The following WWOX variants were observed in gnomAD, a reference collection of about 807,000 sequenced individuals.
WWOX encodes the protein WW domain-containing oxidoreductase.
In WWOX, 69 loss-of-function variants were observed where a neutral mutation model predicts 46.2. The ratio of observed to expected loss-of-function variants is 1.49; its 90% CI spans 1.23 to 1.82. WWOX has a LOEUF of 1.82. Among genes scored for constraint, WWOX ranks in the 40% most tolerant of loss-of-function variants. The pLI, the probability that WWOX is intolerant of heterozygous loss-of-function variation, is 0.00. For synonymous variants in WWOX, 359 were observed against 202.6 expected (o/e 1.77, Z -6.56); for missense variants, 919 against 542.6 (o/e 1.69, Z -6.89).
rs113927953 is a variant in WWOX, at chr16:79,027,839, C to T, written c.1057-183769C>T. 2.0e-5 allele frequency among the ~76,000 whole-genome samples: 3 copies of T among 151,782 alleles called. No individual in the cohort carries two copies. In the East Asian group the frequency reaches 5.8e-4, roughly 29 times the overall value. On this transcript the variant is annotated intron_variant, in intron 8 of 8. Transcript: ENST00000566780. Reference sequence around the variant, plus strand: ...TGGTTGCCTAGTGTCTTCTAAAGACCCCTGAACATAGCATAGAAACAGCAC... The same window carrying T: ...TGGTTGCCTAGTGTCTTCTAAAGACTCCTGAACATAGCATAGAAACAGCAC...
At chr16:79,004,667 C>A (rs111883514) in intron 8 of WWOX, 1 of 152,210 alleles carries the variant, frequency 6.6e-6, no homozygotes, top group East Asian at 1.9e-4. Flanking sequence ...TATACTGGTG[C>A]GAAGTGATGC....
intron 5 of WWOX, among the ~76,000 whole-genome samples, chr16:78,187,065 T>A (rs2035733525): frequency 6.6e-6 from 1 of 152,222 alleles, no homozygotes. Context: ...TTTACCAACA[T>A]CATAGTCAGG....
chr16:78,524,137 T>A (rs1456666115), intron 8 of WWOX, among the ~76,000 whole-genome samples: 1 of 152,212 alleles, frequency 6.6e-6, no homozygotes, highest in East Asian at 1.9e-4. Context: ...AATTCTCTGA[T>A]GTGTTTGGGT....
intron 8 of WWOX, among the ~76,000 whole-genome samples, chr16:78,759,555 C>T (rs575862483): frequency 2.1e-4 from 32 of 152,186 alleles, no homozygotes; most frequent in African/African-American, 4.8e-4. Context: ...AACCTAGGTA[C>T]TCATTGAATC....
chr16:78,603,366 C>T (rs963333992), intron 8 of WWOX, among the ~76,000 whole-genome samples: 2 of 152,172 alleles, frequency 1.3e-5, no homozygotes, highest in Non-Finnish European at 1.5e-5. Context: ...ATGAACGCCC[C>T]CACTGGGTGA....
chr16:78,474,063 A>T (rs1159060468), intron 8 of WWOX, among the ~76,000 whole-genome samples: 1 of 152,224 alleles, frequency 6.6e-6, no homozygotes, highest in Non-Finnish European at 1.5e-5. Context: ...AAATGAAGTG[A>T]CATTGAGGAC....
intron 5 of WWOX, among the ~76,000 whole-genome samples, chr16:78,334,809 CACACACACACACACACACACACAT>C (rs1338476884): frequency 5.7e-4 from 39 of 68,656 alleles, no homozygotes; most frequent in African/African-American, 2.1e-3. Context: ...CACACACACG[CACACACACACACACACACACACAT>C]ACACACACAC....
chr16:78,732,880 T>C (rs1369888018), intron 8 of WWOX, among the ~76,000 whole-genome samples: 1 of 152,222 alleles, frequency 6.6e-6, no homozygotes, highest in Non-Finnish European at 1.5e-5. Flanking sequence ...CTTCTTTCTT[T>C]CTTGAGAATA....
At chr16:78,606,512 A>G (rs549125257) in intron 8 of WWOX, among the ~76,000 whole-genome samples, 3 of 152,172 alleles carry the variant, frequency 2.0e-5, no homozygotes, top group Non-Finnish European at 4.4e-5. Context: ...AATTTCTTGT[A>G]CCCTTCATAT....
chr16:78,480,010 C>T (rs1301584715), intron 8 of WWOX, among the ~76,000 whole-genome samples: 2 of 152,176 alleles, frequency 1.3e-5, no homozygotes, highest in African/African-American at 4.8e-5. Context: ...AGCTTGTTCT[C>T]ACTGAAGCAG....
chr16:79,073,150 G>GTTATTATTATTATTA (rs58438039), intron 8 of WWOX, among the ~76,000 whole-genome samples: 23 of 143,116 alleles, frequency 1.6e-4, no homozygotes, highest in East Asian at 6.2e-4. Context: ...GTAGTTATTC[G>GTTATTATTATTATTA]TTATTATTAT....
intron 8 of WWOX, among the ~76,000 whole-genome samples, chr16:79,193,385 A>C (rs941386585): frequency 1.3e-5 from 2 of 152,158 alleles, no homozygotes; most frequent in East Asian, 1.9e-4. Context: ...CATCTCCCCA[A>C]ACTGCTTTTA....
At chr16:78,646,365 G>C (rs891622572) in intron 8 of WWOX, among the ~76,000 whole-genome samples, 1 of 152,008 alleles carries the variant, frequency 6.6e-6, no homozygotes, top group African/African-American at 2.4e-5. Flanking sequence ...AGAAAGTAAG[G>C]TCCCTCCATC....
chr16:78,650,031 G>C (rs533190501), intron 8 of WWOX, among the ~76,000 whole-genome samples: 6 of 152,248 alleles, frequency 3.9e-5, no homozygotes, highest in Admixed American at 1.3e-4. Context: ...TTGTATATTG[G>C]AAGCCTATTG....
At chr16:78,320,786 G>C (rs1008111615) in intron 5 of WWOX, among the ~76,000 whole-genome samples, 1 of 152,186 alleles carries the variant, frequency 6.6e-6, no homozygotes, top group African/African-American at 2.4e-5. Flanking sequence ...ACAGAAGAGA[G>C]AAGTAACATT....
At chr16:78,795,129 A>G (rs1597622164) in intron 8 of WWOX, among the ~76,000 whole-genome samples, 1 of 152,244 alleles carries the variant, frequency 6.6e-6, no homozygotes, top group South Asian at 2.1e-4. Context: ...TGGTGATGAT[A>G]TTGATAATGA....
chr16:78,806,437 C>A (rs899218870), intron 8 of WWOX, among the ~76,000 whole-genome samples: 1 of 152,174 alleles, frequency 6.6e-6, no homozygotes, highest in Non-Finnish European at 1.5e-5. Flanking sequence ...CTCTGAGGAA[C>A]AGCTTGTCTC....
chr16:78,803,373 C>T lies in WWOX; in HGVS notation c.1056+370621C>T, dbSNP rs574404597. 2.6e-5 allele frequency among the ~76,000 whole-genome samples: 4 copies of T among 152,094 alleles called. No homozygotes were observed. In the South Asian group the frequency reaches 8.3e-4, roughly 32 times the overall value. On this transcript the variant is annotated intron_variant, in intron 8 of 8. Transcript: ENST00000566780. ...ATTCTCAAGTGTAGTATTTATTTCTCCAGCTCATGCAGAATTCTGTTTTAT... is the reference window on the plus strand; with the variant it reads ...ATTCTCAAGTGTAGTATTTATTTCTTCAGCTCATGCAGAATTCTGTTTTAT...
intron 4 of WWOX, among the ~76,000 whole-genome samples, chr16:78,154,941 G>A (rs778989038): frequency 2.6e-5 from 4 of 152,098 alleles, no homozygotes; most frequent in Non-Finnish European, 4.4e-5. Flanking sequence ...GCAGTGGCCT[G>A]GCGGGTAATG....
Sources: allele counts gnomAD v4.1 joint callset (sites outside exome capture counted in the v4.1 genomes callset), GRCh38; gene constraint gnomAD v4.1.1; transcripts MANE v1.5; gene names NCBI Gene and HGNC (gene_info 2026-07-23, HGNC 2026-07-21).